The following SCN7A variants were observed in gnomAD, a reference collection of about 807,000 sequenced individuals.
SCN7A encodes sodium voltage-gated channel alpha subunit 7.
In SCN7A, 138 loss-of-function variants were observed where a neutral mutation model predicts 155.2. The observed-to-expected ratio is 0.89, with a 90% confidence interval of 0.77 to 1.02. The LOEUF (loss-of-function observed/expected upper bound fraction) is 1.02, where lower values mean the gene tolerates loss of function less well. SCN7A is among the 50% of genes least tolerant of loss of function. SCN7A has a pLI of 0.00. For synonymous variants in SCN7A, 693 were observed against 649.0 expected (o/e 1.07, Z -1.03); for missense variants, 2,058 against 1,986.6 (o/e 1.04, Z -0.68).
At position 166,404,739 on chromosome 2, in the gene SCN7A, G is replaced by T. The variant is rs1308661809; in HGVS notation, c.*841C>A. ...AAATACATCAATTTCATAAGGTAAA[G>T]CTTGAGTCTATTAACATGTTATTTA... On this transcript the variant is annotated 3_prime_UTR_variant, in exon 26 of 26. Transcript: ENST00000643258. 3 of 145,526 alleles carry T rather than the reference G, an allele frequency of 2.1e-5. No individual in the cohort carries two copies. Among genetic ancestry groups the T allele is most frequent in the African/African-American group, 7.7e-5 (3 of 39,024 alleles). 9.0% of individuals were successfully genotyped at this position (145,526 alleles called of 1,614,324 possible).
At position 166,404,801 on chromosome 2, in the gene SCN7A, AT is replaced by A. The variant is rs1200212427; in HGVS notation, c.*778del. 1 of 148,322 alleles carries A rather than the reference AT, an allele frequency of 6.7e-6. No homozygotes were observed. The highest frequency in any genetic ancestry group is 1.5e-5 in the Non-Finnish European group (1 of 66,886). 9.2% of individuals were successfully genotyped at this position (148,322 alleles called of 1,614,324 possible). A position where few individuals can be genotyped will look rare whatever the true frequency, so the allele number is the denominator to read the frequency against. On this transcript the variant is annotated 3_prime_UTR_variant, in exon 26 of 26. Coordinates refer to ENST00000643258, the MANE Select transcript of SCN7A (RefSeq NM_002976.4). The stretch of plus-strand genomic sequence containing the variant: ...TAGTAAATGTATACTTTTTAAAAAA[AT>A]AGGTGTAAATGAGAAGAAAATGAAA...
chr2:166,405,907 G>T lies in SCN7A; in HGVS notation c.4722C>A (p.Cys1574Ter), dbSNP rs1351340383. 1 of 1,613,068 alleles carries T rather than the reference G, an allele frequency of 6.2e-7. No homozygotes were observed. The highest frequency in any genetic ancestry group is 8.5e-7 in the Non-Finnish European group (1 of 1,179,380). ...LPMAVGDRIH[C>*]LDILLAFTKR... ...TTGTAAAAGCAAGTAAGATATCGAG[G>T]CAATGAATTCTGTCCCCAACAGCCA... The change falls in exon 26 of 26, where the codon TGC becomes TGA. Residue 1574 changes from cysteine (C) to a stop codon, truncating the protein, a stop_gained. Coordinates refer to ENST00000643258, the MANE Select transcript of SCN7A (RefSeq NM_002976.4). LOFTEE classifies it low-confidence loss of function (END_TRUNC).
intron 2 of SCN7A, among the ~76,000 whole-genome samples, chr2:166,482,906 C>T (rs1342559131): frequency 6.6e-6 from 1 of 151,938 alleles, no homozygotes; most frequent in Admixed American, 6.6e-5. Context: ...GTAATATGGT[C>T]CACGCACTAC....
intron 2 of SCN7A, among the ~76,000 whole-genome samples, chr2:166,485,795 T>C (rs568800143): frequency 1.3e-5 from 2 of 152,168 alleles, no homozygotes; most frequent in Non-Finnish European, 2.9e-5. Flanking sequence ...CTTCCACTGC[T>C]TTGCAAAATA....
chr2:166,462,325 A>C, intron 10 of SCN7A, 64 bp downstream of exon 10: 1 of 1,468,836 alleles, frequency 6.8e-7, no homozygotes, highest in Non-Finnish European at 9.1e-7. Flanking sequence ...ACATTTGACC[A>C]TTATCTTAGA....
chr2:166,419,258 G>A (rs898911376), intron 20 of SCN7A, among the ~76,000 whole-genome samples: 1 of 151,726 alleles, frequency 6.6e-6, no homozygotes, highest in Admixed American at 6.6e-5. Flanking sequence ...GTGTGTGTGT[G>A]CATGTGTATT....
chr2:166,428,882 T>A (rs1357449061), intron 17 of SCN7A, among the ~76,000 whole-genome samples: 2 of 152,078 alleles, frequency 1.3e-5, no homozygotes, highest in Admixed American at 6.6e-5. Context: ...CTGAGATGTT[T>A]GTGTATACAC....
Position 166,465,765 on chromosome 2 carries a change from G to C in SCN7A, c.871+16C>G. ...AAAGTTTCAATTTTTGATATACATGGCAAGGTGATTCTTACCTCGAATATA... is the reference window on the plus strand; with the variant it reads ...AAAGTTTCAATTTTTGATATACATGCCAAGGTGATTCTTACCTCGAATATA... On this transcript the variant is annotated intron_variant, in intron 8 of 25. Coordinates refer to ENST00000643258, the MANE Select transcript of SCN7A (RefSeq NM_002976.4). 1 of 1,611,340 alleles carries C rather than the reference G, an allele frequency of 6.2e-7. No individual in the cohort carries two copies. The highest frequency in any genetic ancestry group is 8.5e-7 in the Non-Finnish European group (1 of 1,177,800).
chr2:166,459,039 G>A (rs1702345743), intron 10 of SCN7A, among the ~76,000 whole-genome samples: 1 of 152,198 alleles, frequency 6.6e-6, no homozygotes, highest in East Asian at 1.9e-4. Context: ...GAGAATTCAT[G>A]GATTTTAGTA....
At chr2:166,454,708 C>T (rs1559113141) in intron 11 of SCN7A, among the ~76,000 whole-genome samples, 1 of 152,026 alleles carries the variant, frequency 6.6e-6, no homozygotes, top group South Asian at 2.1e-4. Flanking sequence ...CAATATAGAC[C>T]TTTTTCCCAT....
At chr2:166,447,543 A>C (rs1271055123) in intron 12 of SCN7A, 69 bp downstream of exon 12, 3 of 1,016,956 alleles carry the variant, frequency 2.9e-6, no homozygotes, top group Non-Finnish European at 4.4e-6. Flanking sequence ...GAAATTGCTG[A>C]ATTTCTTTAA....
chr2:166,404,546 T>A lies in SCN7A; in HGVS notation c.*1034A>T, dbSNP rs975619384. 5 of 151,862 alleles carry A rather than the reference T, an allele frequency of 3.3e-5. No homozygotes were observed. Among genetic ancestry groups the A allele is most frequent in the Admixed American group, 2.0e-4 (3 of 15,198 alleles). The allele number at this position is 151,862 out of a possible 1,614,324, so 9.4% of individuals were successfully genotyped here. On this transcript the variant is annotated 3_prime_UTR_variant, in exon 26 of 26. Coordinates refer to ENST00000643258, the MANE Select transcript of SCN7A (RefSeq NM_002976.4). ...TCTCTCTCTAAGTTATAAAGAATTA[T>A]AACATACAGTAAAAAGTACTTTAAA...
intron 2 of SCN7A, among the ~76,000 whole-genome samples, chr2:166,480,527 C>A (rs1238144418): frequency 1.3e-5 from 2 of 150,792 alleles, no homozygotes; most frequent in Non-Finnish European, 2.9e-5. Context: ...ACACAGAGAT[C>A]CTTGAATATA....
chr2:166,444,685 G>A, intron 13 of SCN7A, 77 bp downstream of exon 13: 2 of 779,986 alleles, frequency 2.6e-6, no homozygotes, highest in East Asian at 5.4e-5. Context: ...AAAATAATGG[G>A]AATAATGATG....
At chr2:166,488,020 T>C (rs1318886883) in intron 1 of SCN7A, among the ~76,000 whole-genome samples, 2 of 152,182 alleles carry the variant, frequency 1.3e-5, no homozygotes, top group Non-Finnish European at 2.9e-5. Context: ...TAAGACTAAG[T>C]TAACTTGGGA....
In SCN7A at chr2:166,432,621, A is replaced by C; in HGVS notation, c.2289T>G (p.Leu763=). Residue 763 remains leucine (L), a synonymous_variant, in exon 16 of 26, where the codon CTT becomes CTG. Transcript: ENST00000643258. ...ARIKKGINYV[L]LKILCKTQNV... ...TTTGTGTTTTGCATAGTATTTTAAG[A>C]AGCACATAGTTTATTCCTTTTTTAA... The C allele has an allele frequency of 6.2e-7, 1 of 1,612,640 alleles. No homozygotes were observed. Among genetic ancestry groups the C allele is most frequent in the Non-Finnish European group, 8.5e-7 (1 of 1,179,448 alleles).
At chr2:166,470,242 C>G (rs1424720276) in intron 7 of SCN7A, among the ~76,000 whole-genome samples, 1 of 151,760 alleles carries the variant, frequency 6.6e-6, no homozygotes, top group Non-Finnish European at 1.5e-5. Context: ...TTCATGTCAA[C>G]TGGTTTCTTG....
intron 10 of SCN7A, among the ~76,000 whole-genome samples, chr2:166,458,456 T>A (rs539574293): frequency 6.6e-6 from 1 of 152,290 alleles, no homozygotes; most frequent in South Asian, 2.1e-4. Flanking sequence ...TAAAATTTTA[T>A]CTATATTGAA....
At chr2:166,492,296 G>A (rs1348115422) in intron 1 of SCN7A, among the ~76,000 whole-genome samples, 4 of 152,012 alleles carry the variant, frequency 2.6e-5, no homozygotes, top group Non-Finnish European at 4.4e-5. Flanking sequence ...ACATATCCAT[G>A]GGAAAGAAGG....
Sources: gnomAD v4.1 joint callset for allele counts (sites outside exome capture counted in the v4.1 genomes callset) on GRCh38, gnomAD v4.1.1 for gene constraint, MANE v1.5 for transcripts, NCBI Gene and HGNC (gene_info 2026-07-23, HGNC 2026-07-21) for gene names.